The following MCHR1 variants were observed in gnomAD, a reference collection of about 807,000 sequenced individuals.
The protein encoded by MCHR1 is melanin-concentrating hormone receptor 1.
In MCHR1, 13 loss-of-function variants were observed where a neutral mutation model predicts 20.4. The observed-to-expected ratio is 0.64, with a 90% CI of 0.41 to 1.01. MCHR1 has a LOEUF of 1.01. Ranked by LOEUF, MCHR1 falls within the 50% of genes least tolerant of loss-of-function variation. MCHR1 has a pLI of 0.00. For missense variants in MCHR1, 472 were observed against 477.0 expected, an observed-to-expected ratio of 0.99 and a Z score of 0.10; for synonymous variants, 215 against 204.4, an observed-to-expected ratio of 1.05 and a Z score of -0.44.
rs201684236 is a variant in MCHR1 at position 40,681,716 on chromosome 22, C to T, written c.850C>T (p.Arg284Cys). 64 of 1,614,264 alleles carry T rather than the reference C, an allele frequency of 4.0e-5. No homozygotes were observed. Among genetic ancestry groups the T allele is most frequent in the Non-Finnish European group, 4.9e-5 (58 of 1,180,050 alleles). ...VLQLTQLSIS[R>C]PTLTFVYLYN... ...ACAGCTGACCCAGTTGTCCATCAGC[C>T]GCCCGACCCTCACCTTTGTCTACTT... Residue 284 changes from arginine (R) to cysteine (C), a missense_variant, in exon 2 of 2, where the codon CGC becomes TGC. Transcript: ENST00000249016. This position sits in a 1 kb window ranked among gnomAD's most constrained non-coding sequence, Gnocchi z 4.3.
At position 40,681,588 on chromosome 22, in the gene MCHR1, C is replaced by A; in HGVS notation, c.722C>A (p.Pro241His). ...ILQRMTSSVA[P>H]ASQRSIRLRT... The stretch of plus-strand genomic sequence containing the variant: ...CAGCGCATGACGTCCTCAGTGGCCC[C>A]CGCCTCCCAGCGCAGCATCCGGCTG... The change falls in exon 2 of 2, where the codon CCC becomes CAC. Residue 241 changes from proline (P) to histidine (H), a missense_variant. Coordinates refer to ENST00000249016, the MANE Select transcript of MCHR1 (RefSeq NM_005297.4). This position sits in a 1 kb window ranked among gnomAD's most constrained non-coding sequence, Gnocchi z 4.3. 6.2e-7 allele frequency: 1 copy of A among 1,613,884 alleles called. No individual in the cohort carries two copies. The highest frequency in any genetic ancestry group is 8.5e-7 in the Non-Finnish European group (1 of 1,180,048).
At chr22:40,680,291 G>A (rs1368085135) in intron 1 of MCHR1, 2 of 188,740 alleles carry the variant, frequency 1.1e-5, no homozygotes, top group South Asian at 1.1e-4. Flanking sequence ...AGGAAGGAAG[G>A]AAAAGAGGAA....
Position 40,681,828 on chromosome 22 carries a change from G to A in MCHR1, c.962G>A (p.Arg321His), listed in dbSNP as rs190547628. ...GTGCTCTGTGAGACGTTCCGCAAACGCTTGGTCCTGTCGGTGAAGCCTGCA... is the reference window on the plus strand; with the variant it reads ...GTGCTCTGTGAGACGTTCCGCAAACACTTGGTCCTGTCGGTGAAGCCTGCA... ...YIVLCETFRK[R>H]LVLSVKPAAQ... Residue 321 changes from arginine (R) to histidine (H), a missense_variant, in exon 2 of 2, where the codon CGC becomes CAC. Transcript: ENST00000249016. The surrounding 1 kb of genome is among the most constrained non-coding windows in gnomAD (Gnocchi z 4.3). 2.5e-4 allele frequency: 409 copies of A among 1,614,146 alleles called. 1 individual carries two copies. In the East Asian group the frequency reaches 6.7e-3, roughly 27 times the overall value.
Position 40,681,061 on chromosome 22 carries a change from C to T in MCHR1, c.195C>T (p.Val65=), listed in dbSNP as rs375960571. Residue 65 remains valine (V), a synonymous_variant, in exon 2 of 2, where the codon GTC becomes GTT. Transcript: ENST00000249016. This position sits in a 1 kb window ranked among gnomAD's most constrained non-coding sequence, Gnocchi z 4.3. ...IIGNSTVIFA[V]VKKSKLHWCN... The stretch of plus-strand genomic sequence containing the variant: ...GGAACTCCACGGTCATCTTCGCGGT[C>T]GTGAAGAAGTCCAAGCTGCACTGGT... The T allele has an allele frequency of 2.4e-5, 39 of 1,613,964 alleles. No homozygotes were observed. Among genetic ancestry groups the T allele is most frequent in the African/African-American group, 8.0e-5 (6 of 74,876 alleles).
Position 40,682,245 on chromosome 22 carries a change from T to G in MCHR1, c.*317T>G. 1 of 400,022 alleles carries G rather than the reference T, an allele frequency of 2.5e-6. No homozygotes were observed. Among genetic ancestry groups the G allele is most frequent in the Non-Finnish European group, 4.7e-6 (1 of 210,724 alleles). The allele number at this position is 400,022 out of a possible 1,614,324, so 24.8% of individuals were successfully genotyped here. ...TATCTGTGAGCTCTCAAATGTCTTC[T>G]TCCCAAGGCAAGAGGTGGAAGGGTA... On this transcript the variant is annotated 3_prime_UTR_variant, in exon 2 of 2. Transcript: ENST00000249016.
At position 40,682,022 on chromosome 22, in the gene MCHR1, T is replaced by C; in HGVS notation, c.*94T>C. On this transcript the variant is annotated 3_prime_UTR_variant, in exon 2 of 2. Coordinates refer to ENST00000249016, the MANE Select transcript of MCHR1 (RefSeq NM_005297.4). ...GAAAAACCCAAGACCGCTCGGGAAATGCAGGAAGGCCGGGTTGTGAGGGGT... is the reference window on the plus strand; with the variant it reads ...GAAAAACCCAAGACCGCTCGGGAAACGCAGGAAGGCCGGGTTGTGAGGGGT... 2.0e-6 allele frequency: 3 copies of C among 1,518,226 alleles called. No homozygotes were observed. Among genetic ancestry groups the C allele is most frequent in the Admixed American group, 1.8e-5 (1 of 56,398 alleles). The allele number at this position is 1,518,226 out of a possible 1,614,324, so 94.0% of individuals were successfully genotyped here.
chr22:40,679,755 CCCT>C, intron 1 of MCHR1, 21 bp downstream of exon 1: 1 of 1,613,830 alleles, frequency 6.2e-7, no homozygotes, highest in Non-Finnish European at 8.5e-7. Flanking sequence ...TGGGAGCCCT[CCCT>C]CCTCTGGGCT....
In MCHR1 at chr22:40,679,677, C is replaced by T. The variant is rs1257238917; in HGVS notation, c.25C>T (p.Pro9Ser). ...GATGGACCTGGAAGCCTCGCTGCTG[C>T]CCACTGGTCCCAACGCCAGCAACAC... MDLEASLLPTGPNASNTSD... is the reference protein window; with the variant it reads MDLEASLLSTGPNASNTSD... Residue 9 changes from proline to serine, a missense_variant, in exon 1 of 2, where the codon CCC becomes TCC. Physicochemically the swap from Pro to Ser is moderately conservative, Grantham distance 74. Coordinates refer to ENST00000249016, the MANE Select transcript of MCHR1 (RefSeq NM_005297.4). 3.1e-6 allele frequency: 5 copies of T among 1,613,998 alleles called. No individual in the cohort carries two copies. The Admixed American group carries it at 8.3e-5, about 27-fold the overall frequency.
intron 1 of MCHR1, chr22:40,680,161 G>A: frequency 3.5e-6 from 1 of 282,562 alleles, no homozygotes; most frequent in Non-Finnish European, 6.9e-6. Context: ...CTGCCACCTG[G>A]GAGAGGCCCT....
Position 40,681,979 on chromosome 22 carries a change from C to T in MCHR1, c.*51C>T. 9.4e-6 allele frequency: 15 copies of T among 1,597,582 alleles called. No homozygotes were observed. The highest frequency in any genetic ancestry group is 1.3e-5 in the Non-Finnish European group (15 of 1,179,288). ...TCCAAGTCAGGGCACCACAACACGC[C>T]ACCGGGAGAGATGCTGAGAAAAACC... On this transcript the variant is annotated 3_prime_UTR_variant, in exon 2 of 2. Coordinates refer to ENST00000249016, the MANE Select transcript of MCHR1 (RefSeq NM_005297.4). This position sits in a 1 kb window ranked among gnomAD's most constrained non-coding sequence, Gnocchi z 4.3.
Position 40,682,061 on chromosome 22 carries a change from T to C in MCHR1, c.*133T>C. On this transcript the variant is annotated 3_prime_UTR_variant, in exon 2 of 2. Coordinates refer to ENST00000249016, the MANE Select transcript of MCHR1 (RefSeq NM_005297.4). ...GTTGTGAGGGGTTGTTGCAATGAAATAAATACATTCCATGGGGCTCACACG... is the reference window on the plus strand; with the variant it reads ...GTTGTGAGGGGTTGTTGCAATGAAACAAATACATTCCATGGGGCTCACACG... 1 of 1,187,280 alleles carries C rather than the reference T, an allele frequency of 8.4e-7. No homozygotes were observed. The highest frequency in any genetic ancestry group is 1.3e-5 in the South Asian group (1 of 77,026). 73.5% of individuals were successfully genotyped at this position (1,187,280 alleles called of 1,614,324 possible).
intron 1 of MCHR1, chr22:40,680,220 A>G: frequency 4.9e-6 from 1 of 202,088 alleles, no homozygotes; most frequent in Non-Finnish European, 1.0e-5. Flanking sequence ...TTTTCTGGTG[A>G]ATTAAGCTTC....
At position 40,679,574 on chromosome 22, in the gene MCHR1, G is replaced by A; in HGVS notation, c.-79G>A. 1 of 1,613,684 alleles carries A rather than the reference G, an allele frequency of 6.2e-7. No individual in the cohort carries two copies. Among genetic ancestry groups the A allele is most frequent in the Non-Finnish European group, 8.5e-7 (1 of 1,179,808 alleles). On this transcript the variant is annotated 5_prime_UTR_variant, in exon 1 of 2. Coordinates refer to ENST00000249016, the MANE Select transcript of MCHR1 (RefSeq NM_005297.4). ...CTTGCGCTCCGGGACAAGGTGGCAG[G>A]CGCTGGAGGCTGCCGCAGCCTGCGT...
rs771667436 is a variant in MCHR1 at position 40,679,728 on chromosome 22, T to G, written c.76T>G (p.Ser26Ala). 6.2e-7 allele frequency: 1 copy of G among 1,614,044 alleles called. No individual in the cohort carries two copies. The highest frequency in any genetic ancestry group is 1.1e-5 in the South Asian group (1 of 91,078). Residue 26 changes from serine to alanine, a missense_variant, in exon 1 of 2, where the codon TCG (serine) becomes GCG (alanine). Ser to Ala is a moderately conservative substitution (Grantham distance 99). Coordinates refer to ENST00000249016, the MANE Select transcript of MCHR1 (RefSeq NM_005297.4). ...CTCTGATGGCCCCGATAACCTCACT[T>G]CGGCAGGTGAGTTGACTGGGAGCCC... ...NTSDGPDNLT[S>A]AGSPPRTGSI...
At chr22:40,680,653 C>T (rs911441183) in intron 1 of MCHR1, 13 of 517,902 alleles carry the variant, frequency 2.5e-5, no homozygotes, top group African/African-American at 6.2e-5. Flanking sequence ...TGGTGAAGCC[C>T]GGGGCTCACA....
chr22:40,681,012 C>T lies in MCHR1; in HGVS notation c.146C>T (p.Thr49Ile), dbSNP rs571399123. Reference protein sequence around the residue: ...INIIMPSVFGTICLLGIIGNS... With the variant: ...INIIMPSVFGIICLLGIIGNS... ...ATCATCATGCCTTCGGTGTTCGGCA[C>T]CATCTGCCTCCTGGGCATCATCGGG... Residue 49 changes from threonine (T) to isoleucine (I), a missense_variant, in exon 2 of 2, where the codon ACC (threonine) becomes ATC (isoleucine). Physicochemically the swap from Thr to Ile is moderately conservative, Grantham distance 89. Transcript: ENST00000249016. This position sits in a 1 kb window ranked among gnomAD's most constrained non-coding sequence, Gnocchi z 4.3. The T allele has an allele frequency of 6.2e-7, 1 of 1,614,164 alleles. No homozygotes were observed. Among genetic ancestry groups the T allele is most frequent in the African/African-American group, 1.3e-5 (1 of 75,026 alleles).
In MCHR1 at chr22:40,681,222, T is replaced by C. The variant is rs757274861; in HGVS notation, c.356T>C (p.Ile119Thr). 1 of 1,614,132 alleles carries C rather than the reference T, an allele frequency of 6.2e-7. No individual in the cohort carries two copies. The highest frequency in any genetic ancestry group is 8.5e-7 in the Non-Finnish European group (1 of 1,180,042). Reference sequence around the variant, plus strand: ...TTTGGGGAGACCATGTGCACCCTCATCACGGCCATGGATGCCAATAGTCAG... The same window carrying C: ...TTTGGGGAGACCATGTGCACCCTCACCACGGCCATGGATGCCAATAGTCAG... Reference protein sequence around the residue: ...WHFGETMCTLITAMDANSQFT... With the variant: ...WHFGETMCTLTTAMDANSQFT... Residue 119 changes from isoleucine to threonine, a missense_variant, in exon 2 of 2, where the codon ATC (isoleucine) becomes ACC (threonine). By Grantham distance (89) the Ile-to-Thr change is moderately conservative (BLOSUM62 -1). Coordinates refer to ENST00000249016, the MANE Select transcript of MCHR1 (RefSeq NM_005297.4). This position sits in a 1 kb window ranked among gnomAD's most constrained non-coding sequence, Gnocchi z 4.3.
rs1257250696 is a variant in MCHR1 at position 40,682,596 on chromosome 22, G to A, written c.*668G>A. ...AGGAGACCTGGGGTGGGTGTGGTTG[G>A]GGGTCTTAAAACTAATAAAAGCTGG... On this transcript the variant is annotated 3_prime_UTR_variant, in exon 2 of 2. Transcript: ENST00000249016. The A allele has an allele frequency of 6.4e-6, 1 of 156,078 alleles. No individual in the cohort carries two copies. The highest frequency in any genetic ancestry group is 1.4e-5 in the Non-Finnish European group (1 of 70,158). The allele number at this position is 156,078 out of a possible 1,614,324, so 9.7% of individuals were successfully genotyped here.
chr22:40,681,089 A>C lies in MCHR1; in HGVS notation c.223A>C (p.Asn75His). The C allele has an allele frequency of 1.2e-6, 2 of 1,614,064 alleles. No homozygotes were observed. The highest frequency in any genetic ancestry group is 1.7e-6 in the Non-Finnish European group (2 of 1,180,004). The change falls in exon 2 of 2, where the codon AAC becomes CAC. Residue 75 changes from asparagine to histidine, a missense_variant. By Grantham distance (68) the Asn-to-His change is moderately conservative. Coordinates refer to ENST00000249016, the MANE Select transcript of MCHR1 (RefSeq NM_005297.4). The surrounding 1 kb of genome is among the most constrained non-coding windows in gnomAD (Gnocchi z 4.3). ...GAAGAAGTCCAAGCTGCACTGGTGC[A>C]ACAACGTCCCCGACATCTTCATCAT... ...VVKKSKLHWC[N>H]NVPDIFIINL...
Sources: gnomAD v4.1 joint callset for allele counts on GRCh38, gnomAD v4.1.1 for gene constraint, Gnocchi (gnomAD v3.1) non-coding constraint, MANE v1.5 for transcripts, NCBI Gene and HGNC (gene_info 2026-07-23, HGNC 2026-07-21) for gene names.